MACROD2: variants seen among roughly 807,000 people sequenced by gnomAD.
MACROD2 encodes the protein ADP-ribose glycohydrolase MACROD2.
In MACROD2, 36 loss-of-function variants were observed where a neutral mutation model predicts 70.4. The ratio of observed to expected loss-of-function variants is 0.51; its 90% confidence interval spans 0.39 to 0.68. The LOEUF (loss-of-function observed/expected upper bound fraction) is 0.68, where lower values mean the gene tolerates loss of function less well. MACROD2 is among the 30% of genes least tolerant of loss of function. MACROD2 has a pLI of 0.00. For synonymous variants in MACROD2, 172 were observed against 178.8 expected, an observed-to-expected ratio of 0.96 and a Z score of 0.30; for missense variants, 496 against 538.4, an observed-to-expected ratio of 0.92 and a Z score of 0.78.
rs147548922 is a variant in MACROD2, at chr20:14,001,853, A to C, written c.47-435A>C. Among the ~76,000 whole-genome samples, 621 of 152,312 alleles carry C rather than the reference A, an allele frequency of 4.1e-3. 11 individuals are homozygous for C. Among genetic ancestry groups the C allele is most frequent in the African/African-American group, 0.014 (599 of 41,564 alleles). Reference sequence around the variant, plus strand: ...CAACCAGATCTCACGAAAACTCACTATCTTGAGGCTAGCACCAGGCCATGA... The same window carrying C: ...CAACCAGATCTCACGAAAACTCACTCTCTTGAGGCTAGCACCAGGCCATGA... On this transcript the variant is annotated intron_variant, in intron 1 of 17. Transcript: ENST00000684519.
chr20:14,910,690 G>A (rs2074015886), intron 5 of MACROD2, among the ~76,000 whole-genome samples: 1 of 152,158 alleles, frequency 6.6e-6, no homozygotes, highest in Non-Finnish European at 1.5e-5. Context: ...ACAACCCATT[G>A]ACTGCTCTTT....
At chr20:14,283,092 T>C (rs2082319122) in intron 3 of MACROD2, among the ~76,000 whole-genome samples, 1 of 152,198 alleles carries the variant, frequency 6.6e-6, no homozygotes, top group Non-Finnish European at 1.5e-5. Flanking sequence ...AATTTGCAGC[T>C]AGTTCCATGA....
chr20:14,212,602 G>T (rs116152436), intron 3 of MACROD2, among the ~76,000 whole-genome samples: 1 of 151,984 alleles, frequency 6.6e-6, no homozygotes, highest in Non-Finnish European at 1.5e-5. Context: ...TTGGGTGGTG[G>T]AAAGAATGTA....
chr20:15,652,497 G>A (rs914428265), intron 8 of MACROD2, among the ~76,000 whole-genome samples: 1 of 152,192 alleles, frequency 6.6e-6, no homozygotes, highest in Non-Finnish European at 1.5e-5. Flanking sequence ...TAAAGAAAGT[G>A]TTCTAAGAAG....
At chr20:14,287,889 T>C (rs1179106071) in intron 3 of MACROD2, among the ~76,000 whole-genome samples, 1 of 152,154 alleles carries the variant, frequency 6.6e-6, no homozygotes, top group Non-Finnish European at 1.5e-5. Context: ...GCATGGCTGC[T>C]TGGTTCCTCC....
At chr20:15,380,032 T>A (rs1297000871) in intron 6 of MACROD2, among the ~76,000 whole-genome samples, 1 of 152,136 alleles carries the variant, frequency 6.6e-6, no homozygotes, top group Non-Finnish European at 1.5e-5. Context: ...GTTGTTCCCT[T>A]TTCCTGAAAG....
chr20:14,747,627 A>AT (rs979773215), intron 5 of MACROD2, among the ~76,000 whole-genome samples: 44 of 151,808 alleles, frequency 2.9e-4, no homozygotes, highest in African/African-American at 7.0e-4. Context: ...TTTTTCTGCC[A>AT]TTTTTTTTGC....
chr20:14,655,201 A>G (rs942431798), intron 4 of MACROD2, among the ~76,000 whole-genome samples: 8 of 152,154 alleles, frequency 5.3e-5, no homozygotes, highest in African/African-American at 1.4e-4. Flanking sequence ...GGATGCTTCC[A>G]TCTATTTCAT....
At chr20:15,067,329 G>A (rs1048044757) in intron 5 of MACROD2, among the ~76,000 whole-genome samples, 3 of 151,994 alleles carry the variant, frequency 2.0e-5, no homozygotes, top group African/African-American at 7.2e-5. Flanking sequence ...GATATTGTTT[G>A]TATTTTGTTT....
At chr20:15,739,451 C>G (rs1227499990) in intron 8 of MACROD2, among the ~76,000 whole-genome samples, 1 of 151,906 alleles carries the variant, frequency 6.6e-6, no homozygotes, top group African/African-American at 2.4e-5. Context: ...GGTAAGGAGG[C>G]ATAGAAGAGA....
chr20:15,084,076 T>TG (rs1158233202), intron 5 of MACROD2, among the ~76,000 whole-genome samples: 4 of 148,472 alleles, frequency 2.7e-5, no homozygotes, highest in African/African-American at 7.6e-5. Flanking sequence ...TTTTTTGTTT[T>TG]TTTTTTTTAA....
At chr20:14,317,616 CA>C (rs57339002) in intron 3 of MACROD2, among the ~76,000 whole-genome samples, 52,204 of 112,610 alleles carry the variant, frequency 0.46, 10,099 homozygotes, top group South Asian at 0.6. Flanking sequence ...GAGACTGTCT[CA>C]AAAAAAAAAA....
chr20:16,005,229 CAAAGT>C (rs1568702307), intron 15 of MACROD2, among the ~76,000 whole-genome samples: 1 of 152,144 alleles, frequency 6.6e-6, no homozygotes, highest in African/African-American at 2.4e-5. Flanking sequence ...GTTCCCCACA[CAAAGT>C]AAAAATAAAC....
intron 3 of MACROD2, among the ~76,000 whole-genome samples, chr20:14,113,609 T>G (rs1211256685): frequency 6.6e-6 from 1 of 152,044 alleles, no homozygotes; most frequent in African/African-American, 2.4e-5. Context: ...ATCTGACAGC[T>G]TATCAGGCAA....
At chr20:15,301,065 C>G (rs759599199) in intron 6 of MACROD2, among the ~76,000 whole-genome samples, 2 of 152,160 alleles carry the variant, frequency 1.3e-5, no homozygotes, top group Non-Finnish European at 2.9e-5. Context: ...TGCTTAAGAA[C>G]AACTTCAGAG....
intron 5 of MACROD2, among the ~76,000 whole-genome samples, chr20:14,743,402 C>G (rs1268507333): frequency 6.6e-6 from 1 of 151,890 alleles, no homozygotes; most frequent in East Asian, 1.9e-4. Context: ...AGCAGAGAAC[C>G]TTGCTGTGAT....
chr20:14,467,635 A>G (rs1183358393), intron 3 of MACROD2, among the ~76,000 whole-genome samples: 2 of 152,012 alleles, frequency 1.3e-5, no homozygotes, highest in African/African-American at 4.8e-5. Context: ...TGGGAGCTGT[A>G]GACTGGAGCT....
At chr20:16,013,652 G>A (rs555536248) in intron 15 of MACROD2, among the ~76,000 whole-genome samples, 70 of 152,280 alleles carry the variant, frequency 4.6e-4, no homozygotes, top group African/African-American at 1.6e-3. Flanking sequence ...TTCCATTTTA[G>A]TAAGTAAATG....
At chr20:15,425,889 G>A (rs2046290506) in intron 6 of MACROD2, among the ~76,000 whole-genome samples, 1 of 152,220 alleles carries the variant, frequency 6.6e-6, no homozygotes, top group Admixed American at 6.5e-5. Flanking sequence ...TAGGGATGAT[G>A]GCTTAGGGTT....
Sources: gnomAD v4.1 joint callset for allele counts (sites outside exome capture counted in the v4.1 genomes callset) on GRCh38, gnomAD v4.1.1 for gene constraint, MANE v1.5 for transcripts, NCBI Gene and HGNC (gene_info 2026-07-23, HGNC 2026-07-21) for gene names.